The following MYOM2 variants were observed in gnomAD, a reference collection of about 807,000 sequenced individuals.
The protein encoded by MYOM2 is myomesin-2.
MYOM2 carries 254 observed loss-of-function variants against 187.6 expected under a neutral mutation model. The observed-to-expected ratio is 1.35, with a 90% CI of 1.22 to 1.50. The LOEUF is 1.50. Among genes scored for constraint, MYOM2 ranks in the 40% most tolerant of loss-of-function variants. The pLI is 0.00. For missense variants in MYOM2, 2,796 were observed against 1,924.0 expected (o/e 1.45, Z -8.48); for synonymous variants, 981 against 753.8 (o/e 1.30, Z -4.94).
At chr8:2,098,802 G>C (rs546519645) in intron 18 of MYOM2, 55 bp from the exon 19 acceptor site, 1 of 1,534,610 alleles carries the variant, frequency 6.5e-7, no homozygotes, top group Non-Finnish European at 8.9e-7. Context: ...CTCCCCCTCA[G>C]TGGGCTGTAA....
At position 2,141,909 on chromosome 8, in the gene MYOM2, T is replaced by G. The variant is rs1266512300; in HGVS notation, c.4002-466T>G. 2.6e-5 allele frequency among the ~76,000 whole-genome samples: 4 copies of G among 152,186 alleles called. No homozygotes were observed. The East Asian group carries it at 7.7e-4, about 29-fold the overall frequency. On this transcript the variant is annotated intron_variant, in intron 34 of 36. Transcript: ENST00000262113. ...ACTTTTTAAGGACAATTCGGGGTTT[T>G]CAAATGCACCATCGAGTCTTCGCAC...
At chr8:2,070,767 G>A (rs536754578) in intron 8 of MYOM2, among the ~76,000 whole-genome samples, 5 of 152,274 alleles carry the variant, frequency 3.3e-5, no homozygotes, top group Non-Finnish European at 5.9e-5. Context: ...GTTTTTCGTC[G>A]AAGTCAAATT....
At chr8:2,084,629 G>T (rs1221646780) in intron 13 of MYOM2, among the ~76,000 whole-genome samples, 1 of 152,120 alleles carries the variant, frequency 6.6e-6, no homozygotes, top group Admixed American at 6.6e-5. Context: ...CAGAAGAGAG[G>T]CATATGGAGC....
rs550078044 is a variant in MYOM2, at chr8:2,127,676, A to G, written c.3695-1451A>G. 50 of 130,162 alleles carry G rather than the reference A, an allele frequency of 3.8e-4. 1 individual carries two copies. The highest frequency in any genetic ancestry group is 1.3e-3 in the African/African-American group (41 of 32,434). 8.1% of individuals were successfully genotyped at this position (130,162 alleles called of 1,614,324 possible). A position where few individuals can be genotyped will look rare whatever the true frequency, so the allele number is the denominator to read the frequency against. On this transcript the variant is annotated intron_variant, in intron 31 of 36. Transcript: ENST00000262113. ...GGCAGTACCTCGGCGTGACGCGGTGACGCAGCCGCAGGCAGGCAGTACCTC... is the reference window on the plus strand; with the variant it reads ...GGCAGTACCTCGGCGTGACGCGGTGGCGCAGCCGCAGGCAGGCAGTACCTC...
intron 6 of MYOM2, among the ~76,000 whole-genome samples, chr8:2,060,841 G>T (rs1329493109): frequency 2.0e-5 from 3 of 152,078 alleles, no homozygotes; most frequent in Admixed American, 6.5e-5. Context: ...TTCCTTCAAG[G>T]ACCACAGGGA....
chr8:2,106,471 C>T lies in MYOM2; in HGVS notation c.2892-20C>T. On this transcript the variant is annotated intron_variant, in intron 22 of 36. Coordinates refer to ENST00000262113, the MANE Select transcript of MYOM2 (RefSeq NM_003970.4). The stretch of plus-strand genomic sequence containing the variant: ...GCAAACAGAAATGATCGACATTCAC[C>T]TACTCTTCTTCCTTTTTAGCTCCAA... The T allele has an allele frequency of 1.2e-6, 2 of 1,610,380 alleles. No homozygotes were observed. Among genetic ancestry groups the T allele is most frequent in the Non-Finnish European group, 1.7e-6 (2 of 1,176,816 alleles).
At chr8:2,105,636 T>C (rs1449158045) in intron 21 of MYOM2, among the ~76,000 whole-genome samples, 1 of 152,042 alleles carries the variant, frequency 6.6e-6, no homozygotes, top group Admixed American at 6.5e-5. Flanking sequence ...TTTCTGCAGT[T>C]GTATGAGATG....
chr8:2,054,101 G>A (rs1466017336), intron 3 of MYOM2, among the ~76,000 whole-genome samples: 2 of 152,148 alleles, frequency 1.3e-5, no homozygotes, highest in Admixed American at 6.5e-5. Flanking sequence ...CCACTCTCAC[G>A]GGCTGCAAGC....
At chr8:2,056,471 G>A (rs1156717168) in intron 3 of MYOM2, among the ~76,000 whole-genome samples, 1 of 151,030 alleles carries the variant, frequency 6.6e-6, no homozygotes, top group Non-Finnish European at 1.5e-5. Context: ...GTTGGGGTGC[G>A]ATTTGTGGGG....
chr8:2,099,260 G>C (rs1796603694), intron 19 of MYOM2, among the ~76,000 whole-genome samples: 1 of 152,232 alleles, frequency 6.6e-6, no homozygotes, highest in Non-Finnish European at 1.5e-5. Context: ...GACCCAGACT[G>C]TGGGGAGAGG....
At chr8:2,091,104 G>GT (rs1441373456) in intron 15 of MYOM2, among the ~76,000 whole-genome samples, 1 of 138,924 alleles carries the variant, frequency 7.2e-6, no homozygotes, top group Admixed American at 8.0e-5. Flanking sequence ...CACCAACAGT[G>GT]TTTAAGTGTT....
At chr8:2,085,213 C>T (rs200241681) in intron 13 of MYOM2, 50 bp from the exon 14 acceptor site, 198 of 1,593,590 alleles carry the variant, frequency 1.2e-4, no homozygotes, top group Middle Eastern at 5.0e-4. Flanking sequence ...TGGGCTGCAG[C>T]GAGGCTGATG....
At chr8:2,117,832 A>C in intron 27 of MYOM2, 53 bp from the exon 28 acceptor site, 1 of 1,290,848 alleles carries the variant, frequency 7.7e-7, no homozygotes, top group South Asian at 1.3e-5. Flanking sequence ...CTATATATTT[A>C]TTTGTTTACT....
chr8:2,097,048 C>G (rs1796517129), intron 18 of MYOM2: 19 of 858,664 alleles, frequency 2.2e-5, no homozygotes, highest in East Asian at 1.2e-4. Flanking sequence ...ATGAATGACC[C>G]TCATCTCACA....
At chr8:2,113,404 T>G (rs1398868514) in intron 25 of MYOM2, among the ~76,000 whole-genome samples, 1 of 151,812 alleles carries the variant, frequency 6.6e-6, no homozygotes, top group Non-Finnish European at 1.5e-5. Context: ...TGAGCAGAGG[T>G]GTGGGGAAGG....
intron 23 of MYOM2, among the ~76,000 whole-genome samples, chr8:2,107,217 G>A (rs141878603): frequency 8.5e-5 from 13 of 152,182 alleles, no homozygotes; most frequent in East Asian, 7.7e-4. Context: ...TGTGTGGCCC[G>A]TCATCTACCC....
chr8:2,083,585 G>A (rs1207035353), intron 13 of MYOM2, among the ~76,000 whole-genome samples: 1 of 152,202 alleles, frequency 6.6e-6, no homozygotes, highest in South Asian at 2.1e-4. Flanking sequence ...TATCTTACAT[G>A]TGCCTAGTGG....
chr8:2,046,635 G>A (rs1371475822), intron 1 of MYOM2, among the ~76,000 whole-genome samples: 1 of 152,172 alleles, frequency 6.6e-6, no homozygotes, highest in African/African-American at 2.4e-5. Flanking sequence ...CTGAGCTGAA[G>A]GTCAGCAGGT....
Position 2,113,169 on chromosome 8 carries a change from G to C in MYOM2, c.3181-2791G>C, listed in dbSNP as rs17751773. On this transcript the variant is annotated intron_variant, in intron 25 of 36. Coordinates refer to ENST00000262113, the MANE Select transcript of MYOM2 (RefSeq NM_003970.4). ...GGCATCCACACTCCCGTGATTCTAC[G>C]GTGGCATGGCTGGGGCGAGTCCCGC... 7.9e-4 allele frequency among the ~76,000 whole-genome samples: 121 copies of C among 152,314 alleles called. 1 individual carries two copies. The South Asian group carries it at 0.012, about 15-fold the overall frequency.
Sources: allele counts gnomAD v4.1 joint callset (sites outside exome capture counted in the v4.1 genomes callset), GRCh38; gene constraint gnomAD v4.1.1; transcripts MANE v1.5; gene names NCBI Gene and HGNC (gene_info 2026-07-23, HGNC 2026-07-21).